The following MALRD1 variants were observed in gnomAD, a reference collection of about 807,000 sequenced individuals.
MALRD1 encodes the protein MAM and LDL-receptor class A domain-containing protein 1.
MALRD1 carries 247 observed loss-of-function variants against 242.1 expected under a neutral mutation model. That is an observed-to-expected ratio of 1.02 (90% CI 0.92 to 1.13). MALRD1 has a LOEUF of 1.13. Ranked by LOEUF, MALRD1 falls within the 50% of genes most tolerant of loss-of-function variation. MALRD1 has a pLI of 0.00. For synonymous variants in MALRD1, 995 were observed against 866.6 expected, an observed-to-expected ratio of 1.15 and a Z score of -2.60; for missense variants, 2,989 against 2,533.1, an observed-to-expected ratio of 1.18 and a Z score of -3.86.
chr10:19,253,567 G>A (rs1370376626), intron 18 of MALRD1, among the ~76,000 whole-genome samples: 2 of 151,744 alleles, frequency 1.3e-5, no homozygotes, highest in Non-Finnish European at 2.9e-5. Context: ...CAAAGTGTTG[G>A]CCCTCTGTAT....
At chr10:19,631,030 A>G (rs1204060210) in intron 36 of MALRD1, among the ~76,000 whole-genome samples, 1 of 152,142 alleles carries the variant, frequency 6.6e-6, no homozygotes, top group Non-Finnish European at 1.5e-5. Flanking sequence ...GTACATGTGG[A>G]GGTTTGTAAT....
rs1426061446 is a variant in MALRD1 at position 19,371,471 on chromosome 10, TTTTTTG to T, written c.4442-16052_4442-16047del. On this transcript the variant is annotated intron_variant, in intron 26 of 39. Coordinates refer to ENST00000454679, the MANE Select transcript of MALRD1 (RefSeq NM_001142308.3). ...TTTGAATCTATACAGAAAATTATGT[TTTTTTG>T]TTTTGTTTTGTTTTGTTTTTTGTTT... 7.5e-5 allele frequency among the ~76,000 whole-genome samples: 7 copies of T among 92,750 alleles called. No homozygotes were observed. The South Asian group carries it at 8.1e-4, about 11-fold the overall frequency. The allele number at this position is 92,750 out of a possible 152,430, so 60.8% of individuals were successfully genotyped here. A position where few individuals can be genotyped will look rare whatever the true frequency, so the allele number is the denominator to read the frequency against.
chr10:19,269,951 T>A (rs150395763), intron 19 of MALRD1, among the ~76,000 whole-genome samples: 1 of 152,324 alleles, frequency 6.6e-6, no homozygotes, highest in East Asian at 1.9e-4. Context: ...GTCATCCAAC[T>A]CATGTCCATG....
intron 21 of MALRD1, among the ~76,000 whole-genome samples, chr10:19,308,834 A>G (rs1163359475): frequency 6.6e-6 from 1 of 151,652 alleles, no homozygotes; most frequent in Non-Finnish European, 1.5e-5. Flanking sequence ...TTCCAAATTC[A>G]GAGAAAGAAA....
At chr10:19,257,621 A>G in intron 18 of MALRD1, 63 bp from the exon 19 acceptor site, 2 of 1,238,604 alleles carry the variant, frequency 1.6e-6, no homozygotes, top group Non-Finnish European at 1.1e-6. Flanking sequence ...TCCATTCCAT[A>G]ACTTAATTTC....
intron 38 of MALRD1, among the ~76,000 whole-genome samples, chr10:19,703,876 C>T (rs1833733880): frequency 6.6e-6 from 1 of 152,060 alleles, no homozygotes. Flanking sequence ...GTCTAGGTGA[C>T]AGAGCAAGTC....
chr10:19,683,069 A>T (rs1161325770), intron 36 of MALRD1, among the ~76,000 whole-genome samples: 1 of 152,068 alleles, frequency 6.6e-6, no homozygotes. Context: ...CGAGGCAGGC[A>T]GATCACTTGA....
At chr10:19,182,748 A>C (rs10827031) in intron 14 of MALRD1, among the ~76,000 whole-genome samples, 45,681 of 151,832 alleles carry the variant, frequency 0.3, 7,169 homozygotes, top group Admixed American at 0.37. Context: ...CAGTTTAAGC[A>C]ATGGGAATTT....
At chr10:19,587,057 G>A (rs1181918328) in intron 33 of MALRD1, among the ~76,000 whole-genome samples, 1 of 152,234 alleles carries the variant, frequency 6.6e-6, no homozygotes, top group Non-Finnish European at 1.5e-5. Context: ...CTCTTCCCGA[G>A]TGAGGCAATG....
At chr10:19,501,106 A>G (rs1282640206) in intron 31 of MALRD1, among the ~76,000 whole-genome samples, 2 of 152,196 alleles carry the variant, frequency 1.3e-5, no homozygotes, top group African/African-American at 4.8e-5. Flanking sequence ...TAGACCCTGC[A>G]CAGAAATGCC....
At chr10:19,636,680 C>A (rs748667128) in intron 36 of MALRD1, among the ~76,000 whole-genome samples, 3 of 152,020 alleles carry the variant, frequency 2.0e-5, no homozygotes, top group African/African-American at 7.2e-5. Flanking sequence ...GAGTGGATCA[C>A]CTGAGGTCAG....
intron 23 of MALRD1, among the ~76,000 whole-genome samples, chr10:19,330,592 T>C (rs1726665134): frequency 1.3e-5 from 2 of 152,114 alleles, no homozygotes; most frequent in African/African-American, 4.8e-5. Flanking sequence ...CTCTGAAAAA[T>C]CCTAAACTAC....
intron 13 of MALRD1, among the ~76,000 whole-genome samples, chr10:19,171,154 A>C (rs1029424082): frequency 6.6e-6 from 1 of 151,946 alleles, no homozygotes; most frequent in Non-Finnish European, 1.5e-5. Context: ...TAAAAGCAAG[A>C]AATTATTTTT....
chr10:19,665,488 A>T (rs1029464844), intron 36 of MALRD1, among the ~76,000 whole-genome samples: 2 of 152,096 alleles, frequency 1.3e-5, no homozygotes, highest in Non-Finnish European at 2.9e-5. Context: ...AGATAAAGGG[A>T]ATGGTAGAGT....
chr10:19,301,439 A>C (rs1372813184), intron 21 of MALRD1, among the ~76,000 whole-genome samples: 1 of 151,860 alleles, frequency 6.6e-6, no homozygotes, highest in Non-Finnish European at 1.5e-5. Context: ...CGCTGTTCAC[A>C]ATAACAAAGA....
At chr10:19,583,917 A>C (rs1837258271) in intron 33 of MALRD1, among the ~76,000 whole-genome samples, 1 of 152,186 alleles carries the variant, frequency 6.6e-6, no homozygotes, top group South Asian at 2.1e-4. Context: ...TTATTGGTCT[A>C]TTCAGAGATT....
chr10:19,612,890 C>A (rs1455442322), intron 35 of MALRD1, among the ~76,000 whole-genome samples: 2 of 152,012 alleles, frequency 1.3e-5, no homozygotes, highest in South Asian at 4.1e-4. Context: ...TAGGCCCCAC[C>A]TCTAACACTG....
At chr10:19,444,228 A>G (rs1032072674) in intron 28 of MALRD1, among the ~76,000 whole-genome samples, 2 of 152,074 alleles carry the variant, frequency 1.3e-5, no homozygotes, top group African/African-American at 4.8e-5. Flanking sequence ...GGTCTCCTCA[A>G]TACAGCACAC....
At chr10:19,249,135 C>A (rs148387143) in intron 18 of MALRD1, among the ~76,000 whole-genome samples, 2 of 150,760 alleles carry the variant, frequency 1.3e-5, no homozygotes, top group South Asian at 4.2e-4. Flanking sequence ...ATTCATCTAA[C>A]AAATGAAATT....
Sources: allele counts gnomAD v4.1 joint callset (sites outside exome capture counted in the v4.1 genomes callset), GRCh38; gene constraint gnomAD v4.1.1; transcripts MANE v1.5; gene names NCBI Gene and HGNC (gene_info 2026-07-23, HGNC 2026-07-21).